FEZ2: variants seen among roughly 807,000 people sequenced by gnomAD.
FEZ2 encodes fasciculation and elongation protein zeta 2.
In FEZ2, 51 loss-of-function variants were observed where a neutral mutation model predicts 40.4. That is an observed-to-expected ratio of 1.26 (90% CI 1.01 to 1.59). FEZ2 has a LOEUF of 1.59. Among genes scored for constraint, FEZ2 ranks in the 40% most tolerant of loss-of-function variants. The probability of loss-of-function intolerance (pLI) is 0.00; values close to 1 mark genes in which losing one functional copy is unlikely to be tolerated. For missense variants in FEZ2, 640 were observed against 438.3 expected (o/e 1.46, Z -4.11); for synonymous variants, 242 against 172.0 (o/e 1.41, Z -3.18).
intron 2 of FEZ2, chr2:36,590,240 C>T (rs1669027369): frequency 6.6e-6 from 1 of 152,218 alleles, no homozygotes; most frequent in Admixed American, 6.5e-5. Flanking sequence ...ACACAGTCTC[C>T]TGACAACATA....
intron 2 of FEZ2, among the ~76,000 whole-genome samples, chr2:36,584,698 C>T (rs149579918): frequency 1.3e-5 from 2 of 152,180 alleles, no homozygotes; most frequent in African/African-American, 4.8e-5. Flanking sequence ...TTTTACCTGG[C>T]AAAATTATTT....
intron 5 of FEZ2, 174 bp from the exon 6 acceptor site, chr2:36,558,687 ATTT>A: frequency 2.6e-6 from 1 of 391,736 alleles, no homozygotes; most frequent in Non-Finnish European, 4.5e-6. Context: ...GATGGAGCTC[ATTT>A]TTTTTTGCCC....
intron 6 of FEZ2, chr2:36,556,049 G>A: frequency 1.9e-6 from 1 of 535,608 alleles, no homozygotes; most frequent in East Asian, 5.2e-5. Context: ...TTATTTACAA[G>A]GAGCCTTCGC....
intron 5 of FEZ2, among the ~76,000 whole-genome samples, chr2:36,578,298 C>A (rs747094499): frequency 1.3e-5 from 2 of 152,234 alleles, no homozygotes; most frequent in Non-Finnish European, 2.9e-5. Flanking sequence ...AAAATGTTCA[C>A]TTGCTAAAGC....
Position 36,597,909 on chromosome 2 carries a change from G to A in FEZ2, c.234C>T (p.Pro78=). The A allele has an allele frequency of 5.0e-6, 7 of 1,411,506 alleles. No individual in the cohort carries two copies. The highest frequency in any genetic ancestry group is 6.4e-6 in the Non-Finnish European group (7 of 1,090,618). The allele number at this position is 1,411,506 out of a possible 1,614,324, so 87.4% of individuals were successfully genotyped here. A position where few individuals can be genotyped will look rare whatever the true frequency, so the allele number is the denominator to read the frequency against. Residue 78 remains proline, a synonymous_variant, in exon 1 of 8, where the codon CCC becomes CCT. Coordinates refer to ENST00000405912, the MANE Select transcript of FEZ2 (RefSeq NM_005102.3). ...CCTGCAGGAGGCTGCGCTCCGTGATGGGCCGCACGGCCGTCCTCGGGGGCT... is the reference window on the plus strand; with the variant it reads ...CCTGCAGGAGGCTGCGCTCCGTGATAGGCCGCACGGCCGTCCTCGGGGGCT... The part of the protein sequence containing the change: ...GAEPPRTAVR[P]ITERSLLQGD...
Position 36,590,940 on chromosome 2 carries a change from G to C in FEZ2, c.338C>G (p.Thr113Ser), listed in dbSNP as rs755402637. 18 of 1,612,084 alleles carry C rather than the reference G, an allele frequency of 1.1e-5. No homozygotes were observed. Among genetic ancestry groups the C allele is most frequent in the African/African-American group, 2.7e-5 (2 of 74,868 alleles). ...PVDWKSSHTR[T>S]LHLLTLNLSE... ...GAGGTTCAGAGTAAGCAAGTGCAAGGTCCTAGTATGCGATGACTTCCAGTC... is the reference window on the plus strand; with the variant it reads ...GAGGTTCAGAGTAAGCAAGTGCAAGCTCCTAGTATGCGATGACTTCCAGTC... The change falls in exon 2 of 8, where the codon ACC becomes AGC. Residue 113 changes from threonine to serine, a missense_variant. Thr to Ser is a moderately conservative substitution (Grantham distance 58). Transcript: ENST00000405912.
intron 5 of FEZ2, among the ~76,000 whole-genome samples, chr2:36,574,959 G>C (rs1349845426): frequency 2.0e-5 from 3 of 152,226 alleles, no homozygotes; most frequent in East Asian, 1.9e-4. Context: ...GACTAGGCAG[G>C]CTCCCTTGTC....
intron 5 of FEZ2, among the ~76,000 whole-genome samples, chr2:36,565,842 C>G (rs1376584779): frequency 3.3e-5 from 5 of 152,156 alleles, no homozygotes; most frequent in Admixed American, 3.3e-4. Context: ...CACCTCCGGT[C>G]TCTGTTCACC....
At chr2:36,571,888 A>G (rs1203859148) in intron 5 of FEZ2, among the ~76,000 whole-genome samples, 1 of 149,330 alleles carries the variant, frequency 6.7e-6, no homozygotes, top group Non-Finnish European at 1.5e-5. Context: ...GGTGGACCAC[A>G]CTTGTAATCC....
chr2:36,560,861 A>C, intron 5 of FEZ2: 1 of 1,607,118 alleles, frequency 6.2e-7, no homozygotes, highest in South Asian at 1.1e-5. Flanking sequence ...TTCCATGCTG[A>C]AGCGCTAAAG....
intron 5 of FEZ2, among the ~76,000 whole-genome samples, chr2:36,572,663 G>C (rs185521326): frequency 4.6e-5 from 7 of 152,310 alleles, no homozygotes; most frequent in African/African-American, 1.7e-4. Flanking sequence ...CAGGTGAAGA[G>C]TTGATTTAGC....
At chr2:36,574,845 G>T (rs1668516207) in intron 5 of FEZ2, among the ~76,000 whole-genome samples, 1 of 152,080 alleles carries the variant, frequency 6.6e-6, no homozygotes. Context: ...TCCAGATGCT[G>T]CAAAAAAGGA....
At chr2:36,564,034 C>A (rs540497384) in intron 5 of FEZ2, among the ~76,000 whole-genome samples, 19 of 152,336 alleles carry the variant, frequency 1.2e-4, no homozygotes, top group South Asian at 8.3e-4. Context: ...CATGCACCCC[C>A]TCTGGGTATT....
intron 2 of FEZ2, 48 bp downstream of exon 2, chr2:36,590,855 T>A (rs756279265): frequency 9.6e-7 from 1 of 1,038,752 alleles, no homozygotes; most frequent in Non-Finnish European, 1.5e-6. Context: ...TTTAGTTCTA[T>A]TATCAGCATC....
chr2:36,597,729 C>G (rs540152224), intron 1 of FEZ2, 148 bp downstream of exon 1: 80 of 576,814 alleles, frequency 1.4e-4, no homozygotes, highest in South Asian at 2.6e-4. Context: ...GAGCCGAGGC[C>G]GACGGCCGGA....
At chr2:36,596,477 G>C (rs1291321444) in intron 1 of FEZ2, among the ~76,000 whole-genome samples, 1 of 152,128 alleles carries the variant, frequency 6.6e-6, no homozygotes, top group East Asian at 1.9e-4. Context: ...TCATTTTTGA[G>C]ACAAAGTCTC....
At chr2:36,567,868 G>A (rs1038968599) in intron 5 of FEZ2, among the ~76,000 whole-genome samples, 3 of 152,184 alleles carry the variant, frequency 2.0e-5, no homozygotes, top group Admixed American at 6.5e-5. Flanking sequence ...CCAGGGCAGT[G>A]AGACCAGGAA....
chr2:36,576,750 GAAGT>G (rs1399923516), intron 5 of FEZ2, among the ~76,000 whole-genome samples: 2 of 152,180 alleles, frequency 1.3e-5, no homozygotes, highest in Admixed American at 1.3e-4. Flanking sequence ...AATGAAGGCT[GAAGT>G]AAGACCTAAC....
chr2:36,578,558 G>A, intron 5 of FEZ2, 39 bp downstream of exon 5: 1 of 1,582,624 alleles, frequency 6.3e-7, no homozygotes, highest in Non-Finnish European at 8.6e-7. Context: ...CACAGAACCT[G>A]TTTCCAGTGT....
Sources: gnomAD v4.1 joint callset for allele counts (sites outside exome capture counted in the v4.1 genomes callset) on GRCh38, gnomAD v4.1.1 for gene constraint, MANE v1.5 for transcripts, NCBI Gene and HGNC (gene_info 2026-07-23, HGNC 2026-07-21) for gene names.